Variants in TANC2 observed in about 807,000 individuals in gnomAD.
TANC2 encodes the protein protein TANC2.
Under a neutral mutation model 210.5 loss-of-function variants are expected in TANC2, and 26 were observed. The observed-to-expected ratio is 0.12, with a 90% confidence interval of 0.09 to 0.17. The LOEUF is 0.17. Among genes scored for constraint, TANC2 ranks in the 10% least tolerant of loss-of-function variants. TANC2 has a pLI of 1.00. For missense variants in TANC2, 2,129 were observed against 2,608.9 expected, an observed-to-expected ratio of 0.82 and a Z score of 4.01; for synonymous variants, 931 against 967.1, an observed-to-expected ratio of 0.96 and a Z score of 0.69.
At chr17:62,976,704 A>G (rs920893130) in intron 1 of TANC2, among the ~76,000 whole-genome samples, 1 of 152,110 alleles carries the variant, frequency 6.6e-6, no homozygotes, top group Non-Finnish European at 1.5e-5. Context: ...CTTAAATACT[A>G]CCTGTAATAA....
At chr17:63,173,927 A>G (rs73323726) in intron 5 of TANC2, among the ~76,000 whole-genome samples, 3,767 of 152,338 alleles carry the variant, frequency 0.025, 156 homozygotes, top group African/African-American at 0.085. Context: ...TGACAAGAAC[A>G]CTATTTCACC....
intron 1 of TANC2, among the ~76,000 whole-genome samples, chr17:62,979,014 T>G (rs530432735): frequency 6.6e-6 from 1 of 152,334 alleles, no homozygotes; most frequent in East Asian, 1.9e-4. Flanking sequence ...TTTATCTTGA[T>G]TAGTGAAAGG....
intron 7 of TANC2, among the ~76,000 whole-genome samples, chr17:63,206,778 A>G (rs1445907214): frequency 1.3e-5 from 2 of 152,202 alleles, no homozygotes; most frequent in Non-Finnish European, 1.5e-5. Flanking sequence ...GGGGATGATG[A>G]AAAGTTCTAG....
In TANC2 at chr17:62,968,350, A is replaced by G. The variant is rs1175835467; in HGVS notation, c.-24+1601A>G. ...TGTGAATGCTGTTCTCATTATAGTA[A>G]TTTGCCAGATAATCTGAAAATTCAT... On this transcript the variant is annotated intron_variant, in intron 1 of 27. Coordinates refer to ENST00000689528, the Ensembl canonical transcript of TANC2. 3 of 152,242 alleles carry G rather than the reference A, an allele frequency of 2.0e-5. No homozygotes were observed. The East Asian group carries it at 5.8e-4, about 29-fold the overall frequency. 9.4% of individuals were successfully genotyped at this position (152,242 alleles called of 1,614,324 possible).
chr17:63,157,977 T>C (rs2039894903), intron 5 of TANC2, among the ~76,000 whole-genome samples: 1 of 152,214 alleles, frequency 6.6e-6, no homozygotes, highest in South Asian at 2.1e-4. Context: ...TAAAGTTATA[T>C]CTTTTTTTCA....
chr17:63,424,465 T>C (rs1262088325), exon 28 of TANC2: 2 of 152,200 alleles, frequency 1.3e-5, no homozygotes, highest in East Asian at 1.9e-4. Context: ...TGCCATGGAA[T>C]GATCCGAGTA....
chr17:62,968,425 GC>G (rs1222493904), intron 1 of TANC2: 3 of 152,168 alleles, frequency 2.0e-5, no homozygotes, highest in African/African-American at 7.2e-5. Flanking sequence ...GGGATCATTT[GC>G]TTCAAAGACA....
intron 4 of TANC2, among the ~76,000 whole-genome samples, chr17:63,137,254 C>G (rs1221241509): frequency 6.6e-6 from 1 of 152,116 alleles, no homozygotes; most frequent in African/African-American, 2.4e-5. Flanking sequence ...TTCAGAAGGA[C>G]AAACTGATCC....
At chr17:63,130,579 C>A (rs1399442573) in intron 4 of TANC2, among the ~76,000 whole-genome samples, 1 of 151,494 alleles carries the variant, frequency 6.6e-6, no homozygotes, top group Non-Finnish European at 1.5e-5. Flanking sequence ...TAATTCCTTT[C>A]CTGATAGGAG....
chr17:63,066,631 G>C (rs1344782409), intron 2 of TANC2, among the ~76,000 whole-genome samples: 5 of 152,050 alleles, frequency 3.3e-5, no homozygotes, highest in Non-Finnish European at 7.4e-5. Flanking sequence ...CCCGACCTTA[G>C]TGGTAACATC....
At chr17:63,411,731 A>G (rs535684013) in intron 22 of TANC2, 45 bp downstream of exon 22, 34 of 1,567,136 alleles carry the variant, frequency 2.2e-5, no homozygotes, top group Middle Eastern at 1.7e-4. Flanking sequence ...GAGAGGGGCT[A>G]TTCTCCATCC....
At chr17:63,357,983 CTG>C (rs1186352186) in intron 14 of TANC2, among the ~76,000 whole-genome samples, 2 of 152,232 alleles carry the variant, frequency 1.3e-5, no homozygotes, top group Non-Finnish European at 2.9e-5. Context: ...ATGTACATCT[CTG>C]TGGTGTAAGG....
In TANC2 at chr17:63,421,202, C is replaced by T. The variant is rs765397805; in HGVS notation, c.5472C>T (p.Ser1824=). The change falls in exon 28 of 28, where the codon AGC becomes AGT. Residue 1824 remains serine (S), a synonymous_variant. Coordinates refer to ENST00000689528, the Ensembl canonical transcript of TANC2. This position sits in a 1 kb window ranked among gnomAD's most constrained non-coding sequence, Gnocchi z 6.9. ...AACTAGATCTGGAGCGCTCCTCCAGCCAACTAGGTTCCCCTGATGTGTCGC... is the reference window on the plus strand; with the variant it reads ...AACTAGATCTGGAGCGCTCCTCCAGTCAACTAGGTTCCCCTGATGTGTCGC... 6 of 1,614,004 alleles carry T rather than the reference C, an allele frequency of 3.7e-6. No homozygotes were observed. Among genetic ancestry groups the T allele is most frequent in the Non-Finnish European group, 5.1e-6 (6 of 1,179,880 alleles).
At chr17:63,371,517 AGAAGGTTGTATATTAAGTTT>A in intron 14 of TANC2, among the ~76,000 whole-genome samples, 1 of 152,224 alleles carries the variant, frequency 6.6e-6, no homozygotes, top group East Asian at 1.9e-4. Flanking sequence ...CTGAAGCATT[AGAAGGTTGTATATTAAGTTT>A]GTCATCATAA....
At position 63,126,855 on chromosome 17, in the gene TANC2, C is replaced by T. The variant is rs373815983; in HGVS notation, c.323-24415C>T. Reference sequence around the variant, plus strand: ...ACGTTCCTTTTACCTCCCCACCCCCCACTGATTCTTAGGACTCTAACAGTA... The same window carrying T: ...ACGTTCCTTTTACCTCCCCACCCCCTACTGATTCTTAGGACTCTAACAGTA... On this transcript the variant is annotated intron_variant, in intron 4 of 27. Transcript: ENST00000689528. Among the ~76,000 whole-genome samples the T allele has an allele frequency of 7.2e-5, 11 of 152,250 alleles. No homozygotes were observed. In the East Asian group the frequency reaches 1.7e-3, roughly 24 times the overall value.
intron 7 of TANC2, among the ~76,000 whole-genome samples, chr17:63,203,992 T>A (rs1026105501): frequency 6.6e-6 from 1 of 152,184 alleles, no homozygotes; most frequent in Non-Finnish European, 1.5e-5. Context: ...TCTGTAGATA[T>A]AAAAAATACA....
At chr17:63,088,642 T>C (rs1025713893) in intron 3 of TANC2, 4 of 152,212 alleles carry the variant, frequency 2.6e-5, no homozygotes, top group African/African-American at 9.7e-5. Context: ...AGTCTTTGTG[T>C]TGAGTTTTTG....
At chr17:63,252,735 T>C (rs1168400983) in intron 8 of TANC2, among the ~76,000 whole-genome samples, 1 of 152,210 alleles carries the variant, frequency 6.6e-6, no homozygotes, top group African/African-American at 2.4e-5. Context: ...CTCTTTTTTA[T>C]GTCTGAATAG....
chr17:63,314,917 C>T (rs1449113025), intron 10 of TANC2, among the ~76,000 whole-genome samples: 4 of 152,132 alleles, frequency 2.6e-5, no homozygotes, highest in African/African-American at 7.2e-5. Flanking sequence ...TCCTCCGTGC[C>T]GGCTGTGTGG....
Sources: gnomAD v4.1 joint callset for allele counts (sites outside exome capture counted in the v4.1 genomes callset) on GRCh38, gnomAD v4.1.1 for gene constraint, Gnocchi (gnomAD v3.1) non-coding constraint, MANE v1.5 for transcripts, NCBI Gene and HGNC (gene_info 2026-07-23, HGNC 2026-07-21) for gene names.